The following CC2D2B variants were observed in gnomAD, a reference collection of about 807,000 sequenced individuals.
CC2D2B encodes protein CC2D2B.
Under a neutral mutation model 161.2 loss-of-function variants are expected in CC2D2B, and 128 were observed. The observed-to-expected ratio is 0.79, with a 90% CI of 0.69 to 0.92. The LOEUF (loss-of-function observed/expected upper bound fraction) is 0.92. CC2D2B is among the 40% of genes least tolerant of loss of function. CC2D2B has a pLI of 0.00. For missense variants in CC2D2B, 1,173 were observed against 1,375.1 expected (o/e 0.85, Z 2.32); for synonymous variants, 391 against 449.8 (o/e 0.87, Z 1.65).
intron 33 of CC2D2B, among the ~76,000 whole-genome samples, chr10:96,025,987 C>A (rs929562835): frequency 2.0e-5 from 3 of 152,168 alleles, no homozygotes; most frequent in African/African-American, 7.2e-5. Context: ...GGAAATGGTT[C>A]CCAACTGATT....
chr10:95,911,826 G>C (rs185623267), intron 2 of CC2D2B, among the ~76,000 whole-genome samples: 14 of 152,274 alleles, frequency 9.2e-5, no homozygotes, highest in African/African-American at 2.6e-4. Context: ...TAATAAGGGA[G>C]ACCCTCTATC....
At chr10:96,006,613 C>T (rs975237429) in intron 25 of CC2D2B, among the ~76,000 whole-genome samples, 13 of 152,094 alleles carry the variant, frequency 8.5e-5, no homozygotes, top group African/African-American at 3.1e-4. Flanking sequence ...CTCCTGATGA[C>T]AAGATAAGGG....
At chr10:96,019,866 A>G (rs780675320) in intron 32 of CC2D2B, 42 bp downstream of exon 32, 1 of 1,534,758 alleles carries the variant, frequency 6.5e-7, no homozygotes, top group South Asian at 1.3e-5. Flanking sequence ...GAGAGTTACC[A>G]TTGCTTCTAA....
Position 96,019,781 on chromosome 10 carries a change from T to C in CC2D2B, c.3845T>C (p.Leu1282Ser). ...TCAAAGGAAAGTTTCTGGAAGCAGT[T>C]GCTTCCAAAAAACGTTCAAGGAACA... is the stretch of plus-strand genomic sequence containing the variant. ...DYSKESFWKQ[L>S]LPKNVQGTKI... The change falls in exon 32 of 35, where the codon TTG (leucine) becomes TCG (serine). Residue 1282 changes from leucine to serine, a missense_variant. By Grantham distance (145) the Leu-to-Ser change is moderately radical (BLOSUM62 -2). Coordinates refer to ENST00000646931, the MANE Select transcript of CC2D2B (RefSeq NM_001349008.3). The C allele has an allele frequency of 6.2e-7, 1 of 1,604,294 alleles. No homozygotes were observed. The highest frequency in any genetic ancestry group is 8.5e-7 in the Non-Finnish European group (1 of 1,177,542).
chr10:95,925,528 A>G (rs2098536927), intron 5 of CC2D2B, among the ~76,000 whole-genome samples: 1 of 152,234 alleles, frequency 6.6e-6, no homozygotes, highest in Non-Finnish European at 1.5e-5. Flanking sequence ...TGTGTAATCA[A>G]TATTTGAAAA....
intron 17 of CC2D2B, among the ~76,000 whole-genome samples, chr10:95,975,680 C>G (rs547873632): frequency 1.1e-4 from 17 of 152,130 alleles, no homozygotes; most frequent in Non-Finnish European, 2.5e-4. Context: ...AGAAGAGAAA[C>G]TCTCTCTTCC....
chr10:96,003,487 C>T (rs1276853869), intron 24 of CC2D2B, among the ~76,000 whole-genome samples: 4 of 151,806 alleles, frequency 2.6e-5, no homozygotes, highest in African/African-American at 7.3e-5. Context: ...GGCGTGATCT[C>T]GACTCACTGC....
intron 22 of CC2D2B, 55 bp downstream of exon 22, chr10:95,992,752 G>C (rs1454759569): frequency 1.8e-6 from 2 of 1,083,336 alleles, no homozygotes; most frequent in Non-Finnish European, 2.3e-6. Context: ...TTAAATGTGA[G>C]AATTCTCCAT....
rs778508451 is a variant in CC2D2B at position 96,012,703 on chromosome 10, T to C, written c.3400T>C (p.Phe1134Leu). The C allele has an allele frequency of 2.5e-6, 4 of 1,601,226 alleles. No homozygotes were observed. In the South Asian group the frequency reaches 4.4e-5, roughly 18 times the overall value. ...TCCACCTCAGCAACTTCTGGATATA[T>C]TTCTTCACAATTCTAATGCAACATT... Reference protein sequence around the residue: ...LNPPQQLLDIFLHNSNATFDL... With the variant: ...LNPPQQLLDILLHNSNATFDL... Residue 1134 changes from phenylalanine (F) to leucine (L), a missense_variant, in exon 28 of 35, where the codon TTT (phenylalanine) becomes CTT (leucine). By Grantham distance (22) the Phe-to-Leu change is conservative. Around this residue, in one of 3 missense-constraint regions of CC2D2B, gnomAD observed 598 missense variants for 693.2 expected, o/e 0.86. Coordinates refer to ENST00000646931, the MANE Select transcript of CC2D2B (RefSeq NM_001349008.3).
intron 30 of CC2D2B, among the ~76,000 whole-genome samples, chr10:96,017,067 TCTC>T (rs1408519484): frequency 1.3e-5 from 2 of 152,194 alleles, no homozygotes; most frequent in African/African-American, 2.4e-5. Context: ...AAAAAACACT[TCTC>T]CTCATGCTCC....
chr10:95,982,045 G>A lies in CC2D2B; in HGVS notation c.2014G>A (p.Glu672Lys). Residue 672 changes from glutamate (E) to lysine (K), a missense_variant, in exon 18 of 35, where the codon GAA becomes AAA. This residue lies in a region of CC2D2B where 277 missense variants were observed against 420.6 expected (regional missense o/e 0.66). Coordinates refer to ENST00000646931, the MANE Select transcript of CC2D2B (RefSeq NM_001349008.3). ...PWLMNEQKLF[E>K]WANEVRIDPN... ...GCTCATGAATGAACAGAAGCTTTTT[G>A]AATGGGCAAATGAAGTCAGAATTGA... The A allele has an allele frequency of 8.1e-7, 1 of 1,231,036 alleles. No homozygotes were observed. The highest frequency in any genetic ancestry group is 1.6e-5 in the African/African-American group (1 of 64,512). The allele number at this position is 1,231,036 out of a possible 1,614,324, so 76.3% of individuals were successfully genotyped here.
chr10:96,006,017 T>C (rs1456864965), intron 25 of CC2D2B, among the ~76,000 whole-genome samples: 1 of 151,468 alleles, frequency 6.6e-6, no homozygotes, highest in East Asian at 1.9e-4. Flanking sequence ...TTCAAATTTT[T>C]AAAAAATTAT....
intron 29 of CC2D2B, among the ~76,000 whole-genome samples, chr10:96,014,143 G>C (rs2079098898): frequency 6.6e-6 from 1 of 152,130 alleles, no homozygotes; most frequent in South Asian, 2.1e-4. Flanking sequence ...ATTCTCCAGA[G>C]AGCAGTGTGA....
At chr10:95,944,006 T>C (rs185562167) in intron 9 of CC2D2B, among the ~76,000 whole-genome samples, 13 of 152,282 alleles carry the variant, frequency 8.5e-5, no homozygotes, top group African/African-American at 3.1e-4. Flanking sequence ...TAGTATTTTC[T>C]CTGCTTGACT....
intron 6 of CC2D2B, among the ~76,000 whole-genome samples, chr10:95,927,898 C>T (rs1202150189): frequency 1.3e-5 from 2 of 152,000 alleles, no homozygotes; most frequent in African/African-American, 4.8e-5. Context: ...TCCTCCAGTC[C>T]TACTTAGCCT....
chr10:95,975,646 C>T (rs17111253), intron 17 of CC2D2B, among the ~76,000 whole-genome samples: 12,159 of 152,120 alleles, frequency 0.08, 558 homozygotes, highest in African/African-American at 0.12. Flanking sequence ...AAACCAGAAC[C>T]CAAGTGAATA....
At chr10:95,956,676 G>A (rs1008559817) in intron 11 of CC2D2B, among the ~76,000 whole-genome samples, 1 of 151,878 alleles carries the variant, frequency 6.6e-6, no homozygotes. Context: ...TATCTGCAAG[G>A]GATTGGTTCC....
rs779276420 is a variant in CC2D2B at position 96,016,266 on chromosome 10, G to A, written c.3582G>A (p.Leu1194=). 1.1e-5 allele frequency: 17 copies of A among 1,613,198 alleles called. No homozygotes were observed. The Admixed American group carries it at 2.2e-4, about 21-fold the overall frequency. ...EHAILLCNFF[L]YFGKKALVLL... Reference sequence around the variant, plus strand: ...CCATCCTTCTCTGTAATTTCTTTCTGTATTTTGGAAAGAAGGCACTGGTCC... The same window carrying A: ...CCATCCTTCTCTGTAATTTCTTTCTATATTTTGGAAAGAAGGCACTGGTCC... The change falls in exon 30 of 35, where the codon CTG becomes CTA. Residue 1194 remains leucine (L), a synonymous_variant. Coordinates refer to ENST00000646931, the MANE Select transcript of CC2D2B (RefSeq NM_001349008.3).
rs569459237 is a variant in CC2D2B at position 95,931,001 on chromosome 10, AATCTGTC to A, written c.336+3670_336+3676del. On this transcript the variant is annotated intron_variant, in intron 6 of 34. Coordinates refer to ENST00000646931, the MANE Select transcript of CC2D2B (RefSeq NM_001349008.3). ...GTATCTCTGGTAGAATTCGGCTGTG[AATCTGTC>A]TGGTCCTGGGCTTTTTATGGTTGGT... Among the ~76,000 whole-genome samples the A allele has an allele frequency of 1.8e-4, 27 of 152,252 alleles. No individual in the cohort carries two copies. In the East Asian group the frequency reaches 5.2e-3, roughly 29 times the overall value.
Sources: allele counts gnomAD v4.1 joint callset (sites outside exome capture counted in the v4.1 genomes callset), GRCh38; gene constraint gnomAD v4.1.1; regional missense constraint gnomAD v4.1.1; transcripts MANE v1.5; gene names NCBI Gene and HGNC (gene_info 2026-07-23, HGNC 2026-07-21).